Variants in LINGO2 observed in about 807,000 individuals in gnomAD.
LINGO2 encodes the protein leucine rich repeat and Ig domain containing 2.
A neutral mutation model predicts 30.6 loss-of-function variants in LINGO2; 14 were observed. The observed-to-expected ratio is 0.46, with a 90% CI of 0.30 to 0.72. LINGO2 has a LOEUF of 0.72. LINGO2 is among the 30% of genes least tolerant of loss of function. The pLI, the probability that LINGO2 is intolerant of heterozygous loss-of-function variation, is 0.07. For missense variants in LINGO2, 729 were observed against 751.7 expected (o/e 0.97, Z 0.35); for synonymous variants, 317 against 288.5 (o/e 1.10, Z -1.00).
intron 1 of LINGO2, among the ~76,000 whole-genome samples, chr9:28,506,944 TAAAATTCAAAA>T (rs1564251286): frequency 2.0e-4 from 31 of 152,154 alleles, no homozygotes; most frequent in Admixed American, 1.8e-3. Flanking sequence ...TACATTACTA[TAAAATTCAAAA>T]GAATTACAAA....
chr9:28,045,926 A>G (rs17511658), intron 4 of LINGO2, among the ~76,000 whole-genome samples: 27,674 of 152,104 alleles, frequency 0.18, 3,051 homozygotes, highest in Admixed American at 0.24. Flanking sequence ...GATGATGATG[A>G]AAAGCAAAGA....
At chr9:28,212,684 T>C (rs1330532778) in intron 4 of LINGO2, among the ~76,000 whole-genome samples, 1 of 151,380 alleles carries the variant, frequency 6.6e-6, no homozygotes, top group Admixed American at 6.6e-5. Flanking sequence ...AAGTAGCTAC[T>C]TAAATTTAAG....
At chr9:28,009,751 T>C (rs956556624) in intron 5 of LINGO2, among the ~76,000 whole-genome samples, 3 of 152,180 alleles carry the variant, frequency 2.0e-5, no homozygotes, top group East Asian at 1.9e-4. Context: ...GGAACTCTCA[T>C]ATATTCCTGG....
intron 4 of LINGO2, among the ~76,000 whole-genome samples, chr9:28,029,579 C>G (rs371093007): frequency 6.6e-6 from 1 of 151,714 alleles, no homozygotes; most frequent in Admixed American, 6.6e-5. Context: ...ATCCTTCTAA[C>G]CGTCAAAAAT....
chr9:28,137,948 C>T (rs1827564014), intron 4 of LINGO2, among the ~76,000 whole-genome samples: 2 of 152,098 alleles, frequency 1.3e-5, no homozygotes, highest in Admixed American at 1.3e-4. Flanking sequence ...AAAATTCCTC[C>T]AAGATACATA....
intron 4 of LINGO2, among the ~76,000 whole-genome samples, chr9:28,172,009 T>C (rs1235538074): frequency 6.7e-5 from 4 of 59,536 alleles, no homozygotes; most frequent in African/African-American, 7.5e-5. Context: ...AGAGCAAGAC[T>C]CCGTCTCAAA....
the LINGO2 span, among the ~76,000 whole-genome samples, chr9:28,888,167 G>A: frequency 6.6e-6 from 1 of 151,972 alleles, no homozygotes; most frequent in Non-Finnish European, 1.5e-5. Context: ...ACTAATGTAG[G>A]ATACACATCA....
the LINGO2 span, among the ~76,000 whole-genome samples, chr9:28,925,433 G>C: frequency 6.6e-6 from 1 of 152,178 alleles, no homozygotes; most frequent in African/African-American, 2.4e-5. Flanking sequence ...ATGTGACCAA[G>C]TGCCAGTAAA....
the LINGO2 span, among the ~76,000 whole-genome samples, chr9:28,988,629 T>A: frequency 3.9e-5 from 6 of 152,224 alleles, no homozygotes; most frequent in African/African-American, 1.4e-4. Context: ...AGCCATACAG[T>A]TACCCACAAT....
At chr9:28,621,403 T>G (rs376005169) in intron 1 of LINGO2, among the ~76,000 whole-genome samples, 13 of 152,008 alleles carry the variant, frequency 8.6e-5, no homozygotes, top group African/African-American at 3.1e-4. Context: ...CCTACCCCTT[T>G]GCAACAGCTC....
the LINGO2 span, among the ~76,000 whole-genome samples, chr9:29,033,105 A>G: frequency 6.3e-3 from 958 of 152,228 alleles, 14 homozygotes; most frequent in African/African-American, 0.022. Context: ...TTGTCATTAA[A>G]TTGGAACAGC....
chr9:28,870,941 G>T, the LINGO2 span, among the ~76,000 whole-genome samples: 1 of 151,912 alleles, frequency 6.6e-6, no homozygotes, highest in African/African-American at 2.4e-5. Flanking sequence ...TAATAATAGT[G>T]TAAGTTGCCA....
chr9:27,970,161 G>C (rs1239521841), intron 5 of LINGO2, among the ~76,000 whole-genome samples: 1 of 152,152 alleles, frequency 6.6e-6, no homozygotes, highest in Non-Finnish European at 1.5e-5. Flanking sequence ...CACACACTGG[G>C]ATGCTTCTGT....
chr9:28,636,636 T>G (rs1487460107), intron 1 of LINGO2, among the ~76,000 whole-genome samples: 1 of 152,202 alleles, frequency 6.6e-6, no homozygotes, highest in East Asian at 1.9e-4. Flanking sequence ...TTGAGAAGTG[T>G]CTGTTCATAT....
At chr9:28,796,863 T>C in the LINGO2 span, among the ~76,000 whole-genome samples, 1 of 151,780 alleles carries the variant, frequency 6.6e-6, no homozygotes, top group African/African-American at 2.4e-5. Flanking sequence ...ACATTTTTCT[T>C]TTCCAAGATG....
chr9:28,707,585 T>G, the LINGO2 span, among the ~76,000 whole-genome samples: 1 of 152,248 alleles, frequency 6.6e-6, no homozygotes, highest in South Asian at 2.1e-4. Context: ...GATTCATTTT[T>G]GTCTCACACT....
chr9:28,530,606 A>G (rs1381990004), intron 1 of LINGO2, among the ~76,000 whole-genome samples: 1 of 152,192 alleles, frequency 6.6e-6, no homozygotes, highest in African/African-American at 2.4e-5. Flanking sequence ...TAGGGATTTC[A>G]GCCTTTATGG....
At chr9:28,413,625 A>G (rs1822856644) in intron 2 of LINGO2, among the ~76,000 whole-genome samples, 1 of 152,146 alleles carries the variant, frequency 6.6e-6, no homozygotes, top group Middle Eastern at 3.4e-3. Context: ...GGGTACCACA[A>G]TGGCTTTCCA....
At chr9:28,648,998 G>C (rs1055856779) in intron 1 of LINGO2, among the ~76,000 whole-genome samples, 2 of 152,112 alleles carry the variant, frequency 1.3e-5, no homozygotes, top group Non-Finnish European at 2.9e-5. Flanking sequence ...GCTCTCCCCA[G>C]ATACTCTGAG....
Sources: allele counts gnomAD v4.1 joint callset (sites outside exome capture counted in the v4.1 genomes callset), GRCh38; gene constraint gnomAD v4.1.1; transcripts MANE v1.5; gene names NCBI Gene and HGNC (gene_info 2026-07-23, HGNC 2026-07-21).